The following FXYD5 variants were observed in gnomAD, a reference collection of about 807,000 sequenced individuals.
FXYD5 encodes FXYD domain-containing ion transport regulator 5.
FXYD5 carries 21 observed loss-of-function variants against 25.7 expected under a neutral mutation model. The ratio of observed to expected loss-of-function variants is 0.82; its 90% CI spans 0.58 to 1.18. The LOEUF (loss-of-function observed/expected upper bound fraction) is 1.18, where lower values mean the gene tolerates loss of function less well. FXYD5 is among the 50% of genes most tolerant of loss of function. FXYD5 has a pLI of 0.00. For missense variants in FXYD5, 229 were observed against 227.7 expected (o/e 1.01, Z -0.04); for synonymous variants, 101 against 90.7 (o/e 1.11, Z -0.64).
chr19:35,160,110 A>G, intron 4 of FXYD5: 1 of 166,962 alleles, frequency 6.0e-6, no homozygotes, highest in South Asian at 1.6e-4. Flanking sequence ...CTGGGAGGCT[A>G]AGGCGGGAGA....
At position 35,164,251 on chromosome 19, in the gene FXYD5, T is replaced by C. The variant is rs375140761; in HGVS notation, c.382+6T>C. The C allele has an allele frequency of 2.9e-5, 47 of 1,606,114 alleles. No homozygotes were observed. Among genetic ancestry groups the C allele is most frequent in the Non-Finnish European group, 3.8e-5 (45 of 1,176,348 alleles). The stretch of plus-strand genomic sequence containing the variant: ...CCAGACCCTCAAGCCATCTGGTTAG[T>C]AACTGCCTCCCCAGACTGGAAACAG... On this transcript the variant is annotated splice_donor_region_variant and intron_variant, in intron 6 of 8. Transcript: ENST00000392219.
At chr19:35,158,060 A>G (rs943725534) in intron 3 of FXYD5, among the ~76,000 whole-genome samples, 1 of 152,116 alleles carries the variant, frequency 6.6e-6, no homozygotes, top group African/African-American at 2.4e-5. Flanking sequence ...TGAGTTAAAC[A>G]TGTTTTTTTA....
rs769469441 is a variant in FXYD5, at chr19:35,157,474, G to A, written c.115G>A (p.Asp39Asn). 3.2e-6 allele frequency: 5 copies of A among 1,580,746 alleles called. No homozygotes were observed. Among genetic ancestry groups the A allele is most frequent in the Non-Finnish European group, 4.3e-6 (5 of 1,149,972 alleles). Residue 39 changes from aspartate to asparagine, a missense_variant, in exon 3 of 9, where the codon GAC (aspartate) becomes AAC (asparagine). Physicochemically the swap from Asp to Asn is conservative, Grantham distance 23. Transcript: ENST00000392219. ...SSSSADSTIMDIQVPTRAPDA... is the reference protein window; with the variant it reads ...SSSSADSTIMNIQVPTRAPDA... ...TTCTTCAGCAGACTCAACTATCATG[G>A]ACATTCAGGTCCCGACACGAGCCCC...
intron 4 of FXYD5, among the ~76,000 whole-genome samples, chr19:35,159,079 A>G (rs928134982): frequency 6.6e-6 from 1 of 151,230 alleles, no homozygotes; most frequent in Non-Finnish European, 1.5e-5. Flanking sequence ...GTGAGCCAAG[A>G]TCTTGCCACT....
rs534347633 is a variant in FXYD5 at position 35,168,678 on chromosome 19, C to T, written c.488-888C>T. The stretch of plus-strand genomic sequence containing the variant: ...AGTCTCTGGAACCCATCTGTGTCCT[C>T]GTACCTCAAGGCCTTTGCGCTGCTG... On this transcript the variant is annotated intron_variant, in intron 8 of 8. Transcript: ENST00000392219. Among the ~76,000 whole-genome samples the T allele has an allele frequency of 6.9e-4, 105 of 152,250 alleles. 4 individuals are homozygous for T. The highest frequency in any genetic ancestry group is 6.4e-3 in the Admixed American group (98 of 15,296).
At chr19:35,155,651 C>T (rs1215725810) in intron 2 of FXYD5, 40 bp downstream of exon 2, 13 of 1,414,950 alleles carry the variant, frequency 9.2e-6, no homozygotes, top group Non-Finnish European at 1.3e-5. Context: ...CCCAGAGCCC[C>T]CAGCCAGGCC....
chr19:35,168,817 C>G (rs2065473363), intron 8 of FXYD5, among the ~76,000 whole-genome samples: 1 of 152,160 alleles, frequency 6.6e-6, no homozygotes. Context: ...AATCCCAGGA[C>G]TTTGGGAGGC....
Position 35,166,276 on chromosome 19 carries a change from G to A in FXYD5, c.438G>A (p.Gly146=). Residue 146 remains glycine, a synonymous_variant, in exon 8 of 9, where the codon GGG becomes GGA. Transcript: ENST00000392219. The part of the protein sequence containing the change: ...FYDEHTLRKR[G]LLVAAVLFIT... ...ATGAACACACCCTCCGGAAACGGGG[G>A]CTGTTGGTCGCAGCTGTGCTGTTCA... 6.2e-7 allele frequency: 1 copy of A among 1,609,868 alleles called. No homozygotes were observed. The highest frequency in any genetic ancestry group is 8.5e-7 in the Non-Finnish European group (1 of 1,177,420).
chr19:35,159,021 G>A (rs948266515), intron 4 of FXYD5, among the ~76,000 whole-genome samples: 30 of 151,712 alleles, frequency 2.0e-4, no homozygotes, highest in Admixed American at 7.9e-4. Context: ...CCAGCTACTC[G>A]AAAGGCTGAG....
chr19:35,169,819 T>TG lies in FXYD5; in HGVS notation c.*209dup. 1 of 586,804 alleles carries TG rather than the reference T, an allele frequency of 1.7e-6. No homozygotes were observed. Among genetic ancestry groups the TG allele is most frequent in the Non-Finnish European group, 3.0e-6 (1 of 328,696 alleles). The allele number at this position is 586,804 out of a possible 1,614,324, so 36.3% of individuals were successfully genotyped here. ...CGCCCCTGAAGGCTACCTGGCGCCT[T>TG]GGGGGCTGTCCCTCAAGTTATCTCC... On this transcript the variant is annotated 3_prime_UTR_variant, in exon 9 of 9. Transcript: ENST00000392219.
intron 5 of FXYD5, 40 bp downstream of exon 5, chr19:35,160,841 T>C (rs371417949): frequency 1.7e-5 from 22 of 1,262,920 alleles, no homozygotes; most frequent in African/African-American, 2.9e-5. Flanking sequence ...ACGATTTTTG[T>C]TTAATTCTCT....
intron 5 of FXYD5, among the ~76,000 whole-genome samples, chr19:35,162,064 T>C (rs1189893910): frequency 6.6e-6 from 1 of 152,244 alleles, no homozygotes; most frequent in Non-Finnish European, 1.5e-5. Flanking sequence ...ATAGCAGCTG[T>C]GTCCACACTT....
At chr19:35,159,417 C>T (rs1433596117) in intron 4 of FXYD5, 4 of 1,478,748 alleles carry the variant, frequency 2.7e-6, no homozygotes, top group Non-Finnish European at 1.8e-6. Context: ...TGTTCTGCAG[C>T]TTGCTTTGTT....
rs1032860683 is a variant in FXYD5, at chr19:35,157,806, T to C, written c.142+305T>C. Among the ~76,000 whole-genome samples, 3 of 152,176 alleles carry C rather than the reference T, an allele frequency of 2.0e-5. No homozygotes were observed. In the East Asian group the frequency reaches 5.8e-4, roughly 29 times the overall value. ...TGCTAAGAATCCCAGCAAGAGAATTTCCTTTCCCCAGTCCAGCAAATGTCC... is the reference window on the plus strand; with the variant it reads ...TGCTAAGAATCCCAGCAAGAGAATTCCCTTTCCCCAGTCCAGCAAATGTCC... On this transcript the variant is annotated intron_variant, in intron 3 of 8. Coordinates refer to ENST00000392219, the MANE Select transcript of FXYD5 (RefSeq NM_014164.6).
intron 5 of FXYD5, among the ~76,000 whole-genome samples, 158 bp downstream of exon 5, chr19:35,160,959 A>G (rs1478497640): frequency 1.3e-5 from 2 of 152,144 alleles, no homozygotes. Context: ...TATTTGGGGA[A>G]CCCTGAGTTA....
intron 8 of FXYD5, among the ~76,000 whole-genome samples, 157 bp from the exon 9 acceptor site, chr19:35,169,409 T>TG (rs767788541): frequency 6.6e-5 from 10 of 152,224 alleles, no homozygotes; most frequent in Middle Eastern, 3.4e-3. Flanking sequence ...GCCCCAGCAC[T>TG]GGCTGTTCTC....
At chr19:35,157,725 A>C in intron 3 of FXYD5, 1 of 414,304 alleles carries the variant, frequency 2.4e-6, no homozygotes. Context: ...TTTCAGGAAG[A>C]GTCTCCTCTC....
chr19:35,155,696 C>G, intron 2 of FXYD5, 85 bp downstream of exon 2: 1 of 983,824 alleles, frequency 1.0e-6, no homozygotes, highest in Non-Finnish European at 1.6e-6. Flanking sequence ...GTGGTTGGCC[C>G]GTGTGAACGT....
At chr19:35,164,126 T>C (rs747010107) in intron 5 of FXYD5, 30 bp from the exon 6 acceptor site, 2 of 1,614,106 alleles carry the variant, frequency 1.2e-6, no homozygotes, top group East Asian at 4.5e-5. Flanking sequence ...GGCTCACTCC[T>C]GCCCTCCACT....
Sources: allele counts gnomAD v4.1 joint callset (sites outside exome capture counted in the v4.1 genomes callset), GRCh38; gene constraint gnomAD v4.1.1; transcripts MANE v1.5; gene names NCBI Gene and HGNC (gene_info 2026-07-23, HGNC 2026-07-21).